Variants in SLC25A26 observed in about 807,000 individuals in gnomAD.
SLC25A26 encodes solute carrier family 25 member 26.
A neutral mutation model predicts 37.8 loss-of-function variants in SLC25A26; 36 were observed. The ratio of observed to expected loss-of-function variants is 0.95; its 90% CI spans 0.73 to 1.26. The LOEUF is 1.26. SLC25A26 is among the 50% of genes most tolerant of loss of function. SLC25A26 has a pLI of 0.00. For missense variants in SLC25A26, 390 were observed against 331.1 expected (o/e 1.18, Z -1.38); for synonymous variants, 129 against 122.5 (o/e 1.05, Z -0.35).
At chr3:66,334,097 G>A (rs1328980303) in intron 5 of SLC25A26, among the ~76,000 whole-genome samples, 1 of 152,148 alleles carries the variant, frequency 6.6e-6, no homozygotes, top group African/African-American at 2.4e-5. Context: ...AGGTAAAACA[G>A]CATTTGGCAT....
intron 5 of SLC25A26, among the ~76,000 whole-genome samples, chr3:66,303,608 A>G (rs1015784891): frequency 2.6e-5 from 4 of 152,238 alleles, no homozygotes; most frequent in Admixed American, 2.0e-4. Flanking sequence ...TTCAAGTGTC[A>G]TGTAACATCA....
chr3:66,334,361 C>T lies in SLC25A26; in HGVS notation c.454-12003C>T, dbSNP rs550351645. Among the ~76,000 whole-genome samples, 20 of 152,290 alleles carry T rather than the reference C, an allele frequency of 1.3e-4. No homozygotes were observed. In the South Asian group the frequency reaches 4.1e-3, roughly 32 times the overall value. ...ACAGAGTCTTGCTCTGTCGCCCAGG[C>T]TGGAGTGCAGTGGCATGATCTCGGC... On this transcript the variant is annotated intron_variant, in intron 5 of 9. Transcript: ENST00000354883.
chr3:66,236,666 C>G lies in SLC25A26; in HGVS notation c.156C>G (p.Gly52=). 6.6e-7 allele frequency: 1 copy of G among 1,524,642 alleles called. No individual in the cohort carries two copies. Among genetic ancestry groups the G allele is most frequent in the Non-Finnish European group, 8.8e-7 (1 of 1,138,310 alleles). The allele number at this position is 1,524,642 out of a possible 1,614,324, so 94.4% of individuals were successfully genotyped here. The change falls in exon 2 of 10, where the codon GGC becomes GGG. Residue 52 remains glycine, a synonymous_variant. Transcript: ENST00000354883. ...GTGGTTTTCATGGAATATATGCTGG[C>G]GTTCCTTCTGCTGCTATTGGATCCT... The part of the protein sequence containing the change: ...KAGGFHGIYA[G]VPSAAIGSFP...
At chr3:66,264,061 C>T (rs2073645776) in intron 5 of SLC25A26, among the ~76,000 whole-genome samples, 1 of 152,130 alleles carries the variant, frequency 6.6e-6, no homozygotes, top group African/African-American at 2.4e-5. Context: ...AGAAAGATCA[C>T]CTGAGGCAAG....
intron 1 of SLC25A26, among the ~76,000 whole-genome samples, chr3:66,165,962 G>C (rs990899443): frequency 1.6e-5 from 2 of 127,412 alleles, no homozygotes; most frequent in South Asian, 5.5e-4. Context: ...CCCACAGACA[G>C]TTTTGGGCTT....
chr3:66,239,714 G>C (rs923748607), intron 2 of SLC25A26, among the ~76,000 whole-genome samples: 10 of 151,664 alleles, frequency 6.6e-5, no homozygotes, highest in Non-Finnish European at 1.3e-4. Context: ...CCACATGAAA[G>C]CTGCATTTTC....
rs1559574736 is a variant in SLC25A26 at position 66,202,817 on chromosome 3, C to G, written c.-353-17925C>G. 2.0e-5 allele frequency among the ~76,000 whole-genome samples: 3 copies of G among 152,224 alleles called. No homozygotes were observed. In the East Asian group the frequency reaches 5.8e-4, roughly 29 times the overall value. ...GGTTCACCACTTAAATAACTGGTGG[C>G]AAGTGTCTGAGTGTGAATCCTGAAG... On this transcript the variant is annotated intron_variant, in intron 1 of 10. Coordinates refer to the SLC25A26 transcript ENST00000676754.
chr3:66,211,245 C>T (rs980753139), intron 1 of SLC25A26, among the ~76,000 whole-genome samples: 8 of 152,180 alleles, frequency 5.3e-5, no homozygotes, highest in Non-Finnish European at 1.2e-4. Flanking sequence ...ATTTAGGACA[C>T]ACAATGGTAG....
At chr3:66,177,379 ATG>A (rs541780572) in intron 1 of SLC25A26, among the ~76,000 whole-genome samples, 13 of 152,384 alleles carry the variant, frequency 8.5e-5, no homozygotes, top group Non-Finnish European at 1.0e-4. Context: ...ACTGGAAAGA[ATG>A]GAGTTTTGCA....
chr3:66,271,056 C>A (rs2073939645), intron 5 of SLC25A26, among the ~76,000 whole-genome samples: 1 of 152,132 alleles, frequency 6.6e-6, no homozygotes. Context: ...TCACTGTAAA[C>A]ACATTGGAAG....
chr3:66,333,075 G>T (rs2076014681), intron 5 of SLC25A26, among the ~76,000 whole-genome samples: 1 of 151,578 alleles, frequency 6.6e-6, no homozygotes, highest in Non-Finnish European at 1.5e-5. Context: ...TTTTTTTCCT[G>T]AAGTACTATG....
At chr3:66,319,910 C>T (rs937383240) in intron 5 of SLC25A26, among the ~76,000 whole-genome samples, 5 of 151,896 alleles carry the variant, frequency 3.3e-5, no homozygotes, top group East Asian at 1.9e-4. Flanking sequence ...CACACCACCA[C>T]GCCTGGCTAA....
chr3:66,150,142 G>C (rs1371627980), intron 1 of SLC25A26, among the ~76,000 whole-genome samples: 3 of 151,986 alleles, frequency 2.0e-5, no homozygotes, highest in Admixed American at 1.3e-4. Context: ...AAGGTACAAA[G>C]GTGACTTTAT....
chr3:66,152,009 T>C (rs1470506358), intron 1 of SLC25A26, among the ~76,000 whole-genome samples: 2 of 152,242 alleles, frequency 1.3e-5, no homozygotes, highest in African/African-American at 4.8e-5. Context: ...TTACTGAGTA[T>C]GTAACAGGGC....
At chr3:66,274,284 A>G (rs1461362182) in intron 5 of SLC25A26, among the ~76,000 whole-genome samples, 1 of 152,112 alleles carries the variant, frequency 6.6e-6, no homozygotes, top group Non-Finnish European at 1.5e-5. Context: ...TTAGACCTAA[A>G]ACCATAAAAA....
chr3:66,340,679 C>T (rs563968420), intron 5 of SLC25A26, among the ~76,000 whole-genome samples: 13 of 152,054 alleles, frequency 8.5e-5, no homozygotes, highest in South Asian at 8.3e-4. Flanking sequence ...TATGAACACT[C>T]TCCTCTGTTT....
At chr3:66,374,556 A>C (rs114481779) in intron 9 of SLC25A26, among the ~76,000 whole-genome samples, 1,634 of 152,330 alleles carry the variant, frequency 0.011, 41 homozygotes, top group African/African-American at 0.037. Context: ...CTAAGTGTTG[A>C]AGTGAAAGGA....
chr3:66,178,738 A>G (rs1005673347), intron 1 of SLC25A26, among the ~76,000 whole-genome samples: 2 of 152,214 alleles, frequency 1.3e-5, no homozygotes, highest in African/African-American at 2.4e-5. Context: ...CTAATTAAAG[A>G]GATGGAAATT....
intron 1 of SLC25A26, among the ~76,000 whole-genome samples, chr3:66,183,368 G>T (rs1559565807): frequency 6.6e-6 from 1 of 151,886 alleles, no homozygotes; most frequent in Non-Finnish European, 1.5e-5. Context: ...CCCTCACAAT[G>T]AACTTGTCTA....
Sources: gnomAD v4.1 joint callset for allele counts (sites outside exome capture counted in the v4.1 genomes callset) on GRCh38, gnomAD v4.1.1 for gene constraint, MANE v1.5 for transcripts, NCBI Gene and HGNC (gene_info 2026-07-23, HGNC 2026-07-21) for gene names.